TNR: variants seen among roughly 807,000 people sequenced by gnomAD.
TNR encodes tenascin-R.
Under a neutral mutation model 150.4 loss-of-function variants are expected in TNR, and 45 were observed. The observed-to-expected ratio is 0.30, with a 90% CI of 0.24 to 0.38. The LOEUF (loss-of-function observed/expected upper bound fraction) is 0.38, where lower values mean the gene tolerates loss of function less well. TNR is among the 10% of genes least tolerant of loss of function. The pLI, the probability that TNR is intolerant of heterozygous loss-of-function variation, is 1.00. For missense variants in TNR, 1,544 were observed against 1,759.1 expected (o/e 0.88, Z 2.19); for synonymous variants, 687 against 678.4 (o/e 1.01, Z -0.20).
chr1:175,390,568 G>A (rs527567696), intron 7 of TNR, among the ~76,000 whole-genome samples: 2 of 152,086 alleles, frequency 1.3e-5, no homozygotes, highest in Non-Finnish European at 2.9e-5. Flanking sequence ...GATACAATAA[G>A]GCAAAATATG....
At chr1:175,604,323 C>G (rs1663346343) in intron 1 of TNR, among the ~76,000 whole-genome samples, 1 of 152,174 alleles carries the variant, frequency 6.6e-6, no homozygotes, top group African/African-American at 2.4e-5. Context: ...TTGACTCTCA[C>G]AGTAGCTCCC....
chr1:175,498,818 T>C (rs1219195475), intron 2 of TNR, among the ~76,000 whole-genome samples: 2 of 152,220 alleles, frequency 1.3e-5, no homozygotes, highest in African/African-American at 2.4e-5. Flanking sequence ...TCTGGTATGG[T>C]CAATTACCAT....
At chr1:175,479,621 T>A (rs1657691709) in intron 2 of TNR, among the ~76,000 whole-genome samples, 1 of 152,208 alleles carries the variant, frequency 6.6e-6, no homozygotes, top group South Asian at 2.1e-4. Flanking sequence ...TTCTGAGGTT[T>A]ATATTCAGAT....
At chr1:175,493,451 G>A (rs1226003698) in intron 2 of TNR, among the ~76,000 whole-genome samples, 3 of 152,206 alleles carry the variant, frequency 2.0e-5, no homozygotes, top group Non-Finnish European at 4.4e-5. Flanking sequence ...CACTAGAAGA[G>A]ACCAGGGCGG....
chr1:175,440,733 T>A (rs1240961653), intron 2 of TNR, among the ~76,000 whole-genome samples: 1 of 151,994 alleles, frequency 6.6e-6, no homozygotes, highest in Non-Finnish European at 1.5e-5. Context: ...TGAGAATAGA[T>A]TCAGTAAGAT....
At chr1:175,374,618 A>G (rs899222212) in intron 9 of TNR, among the ~76,000 whole-genome samples, 4 of 152,152 alleles carry the variant, frequency 2.6e-5, no homozygotes, top group Non-Finnish European at 4.4e-5. Context: ...TTGCAGTCCT[A>G]TGTTGTATCA....
At chr1:175,399,249 G>C (rs1276269577) in intron 4 of TNR, among the ~76,000 whole-genome samples, 1 of 152,204 alleles carries the variant, frequency 6.6e-6, no homozygotes, top group Non-Finnish European at 1.5e-5. Flanking sequence ...TTCTGTCATA[G>C]TGGCAGAAAT....
chr1:175,645,933 A>AT (rs1213468624), intron 1 of TNR, among the ~76,000 whole-genome samples: 3 of 150,620 alleles, frequency 2.0e-5, no homozygotes. Flanking sequence ...CAAAGCCGGT[A>AT]TTTTTTACAA....
At chr1:175,379,769 C>T in intron 8 of TNR, 32 bp from the exon 9 acceptor site, 1 of 1,609,178 alleles carries the variant, frequency 6.2e-7, no homozygotes, top group East Asian at 2.2e-5. Flanking sequence ...CAACATCGCA[C>T]ATGATAATGT....
intron 2 of TNR, among the ~76,000 whole-genome samples, chr1:175,476,104 G>T (rs551992184): frequency 6.6e-6 from 1 of 152,250 alleles, no homozygotes; most frequent in African/African-American, 2.4e-5. Flanking sequence ...ACCTATGCCT[G>T]GTAACCTGCT....
In TNR at chr1:175,353,791, T is replaced by C. The variant is rs1033144743; in HGVS notation, c.3382+600A>G. ...GGAGGAAGAGAAAGATAAACTTTGC[T>C]GGAAAACCACTTGCAGAAAACCTGA... On this transcript the variant is annotated intron_variant, in intron 18 of 22. Coordinates refer to ENST00000367674, the MANE Select transcript of TNR (RefSeq NM_003285.3). 5.9e-5 allele frequency among the ~76,000 whole-genome samples: 9 copies of C among 152,166 alleles called. No individual in the cohort carries two copies. In the East Asian group the frequency reaches 1.5e-3, roughly 26 times the overall value.
At chr1:175,568,573 C>T (rs1169725506) in intron 1 of TNR, among the ~76,000 whole-genome samples, 1 of 152,158 alleles carries the variant, frequency 6.6e-6, no homozygotes, top group African/African-American at 2.4e-5. Context: ...TGCATGGGTC[C>T]TTCTGCTTAT....
intron 8 of TNR, among the ~76,000 whole-genome samples, chr1:175,380,462 T>C (rs1035468774): frequency 7.9e-5 from 12 of 152,036 alleles, no homozygotes; most frequent in Non-Finnish European, 1.5e-5. Context: ...TCTCAGCTAC[T>C]TGGGAGGCTG....
chr1:175,379,702 G>A lies in TNR; in HGVS notation c.1813C>T (p.Arg605Cys), dbSNP rs1277584869. 8 of 1,614,170 alleles carry A rather than the reference G, an allele frequency of 5.0e-6. No individual in the cohort carries two copies. Among genetic ancestry groups the A allele is most frequent in the East Asian group, 2.2e-5 (1 of 44,890 alleles). Reference protein sequence around the residue: ...DAPKNLRVGSRTATSLDLEWD... With the variant: ...DAPKNLRVGSCTATSLDLEWD... ...TCGAGGTCAAGGCTGGTTGCTGTGC[G>A]AGAACCAACTCGCAAGTTCTTGGGG... Residue 605 changes from arginine to cysteine, a missense_variant, in exon 9 of 23, where the codon CGC becomes TGC. By Grantham distance (180) the Arg-to-Cys change is radical. Around this residue, in one of 2 missense-constraint regions of TNR, gnomAD observed 1,254 missense variants for 1,329.4 expected, o/e 0.94. Transcript: ENST00000367674.
At chr1:175,724,259 T>C (rs1263359671) in intron 1 of TNR, among the ~76,000 whole-genome samples, 1 of 152,162 alleles carries the variant, frequency 6.6e-6, no homozygotes, top group African/African-American at 2.4e-5. Context: ...CATCTGCTTG[T>C]CTTCTGGGGA....
chr1:175,486,431 C>T (rs1658020066), intron 2 of TNR, among the ~76,000 whole-genome samples: 1 of 152,122 alleles, frequency 6.6e-6, no homozygotes, highest in Non-Finnish European at 1.5e-5. Flanking sequence ...CAGCTTCATC[C>T]ATGTCCCTGT....
At chr1:175,592,548 G>A (rs1662841440) in intron 1 of TNR, among the ~76,000 whole-genome samples, 1 of 152,246 alleles carries the variant, frequency 6.6e-6, no homozygotes. Flanking sequence ...TGCTGGGTGA[G>A]ATAGTCTTTG....
Position 175,362,738 on chromosome 1 carries a change from T to C in TNR, c.2779A>G (p.Thr927Ala). ...EFTITRLNPA[T>A]EYEISLNSVR... The stretch of plus-strand genomic sequence containing the variant: ...CTGTTGAGGCTGATTTCGTATTCGG[T>C]AGCTGGGTTCAGTCTGGTGATGGTG... Residue 927 changes from threonine to alanine, a missense_variant, in exon 14 of 23, where the codon ACC (threonine) becomes GCC (alanine). Around this residue, in one of 2 missense-constraint regions of TNR, gnomAD observed 1,254 missense variants for 1,329.4 expected, o/e 0.94. Coordinates refer to ENST00000367674, the MANE Select transcript of TNR (RefSeq NM_003285.3). 2 of 1,614,174 alleles carry C rather than the reference T, an allele frequency of 1.2e-6. No homozygotes were observed. Among genetic ancestry groups the C allele is most frequent in the South Asian group, 2.2e-5 (2 of 91,072 alleles).
At chr1:175,366,986 G>A (rs1277825778) in intron 10 of TNR, among the ~76,000 whole-genome samples, 1 of 152,182 alleles carries the variant, frequency 6.6e-6, no homozygotes, top group Non-Finnish European at 1.5e-5. Flanking sequence ...GACCACGGGG[G>A]ACCGAGCACA....
Sources: gnomAD v4.1 joint callset for allele counts (sites outside exome capture counted in the v4.1 genomes callset) on GRCh38, gnomAD v4.1.1 for gene constraint, gnomAD v4.1.1 regional missense constraint, MANE v1.5 for transcripts, NCBI Gene and HGNC (gene_info 2026-07-23, HGNC 2026-07-21) for gene names.